LDLRAD3: variants seen among roughly 807,000 people sequenced by gnomAD.
LDLRAD3 encodes low density lipoprotein receptor class A domain containing 3.
A neutral mutation model predicts 29.4 loss-of-function variants in LDLRAD3; 20 were observed. The ratio of observed to expected loss-of-function variants is 0.68; its 90% CI spans 0.48 to 0.99. The LOEUF (loss-of-function observed/expected upper bound fraction) is 0.99. Ranked by LOEUF, LDLRAD3 falls within the 50% of genes least tolerant of loss-of-function variation. LDLRAD3 has a pLI of 0.00. For missense variants in LDLRAD3, 420 were observed against 454.3 expected (o/e 0.92, Z 0.69); for synonymous variants, 157 against 192.7 (o/e 0.81, Z 1.53).
chr11:36,069,459 C>G (rs142702462), intron 2 of LDLRAD3, among the ~76,000 whole-genome samples: 239 of 152,332 alleles, frequency 1.6e-3, no homozygotes, highest in African/African-American at 5.6e-3. Flanking sequence ...TTTTAGCTAG[C>G]AATGGCCACA....
At chr11:36,076,213 T>TCC (rs1852996740) in intron 2 of LDLRAD3, among the ~76,000 whole-genome samples, 2 of 126,952 alleles carry the variant, frequency 1.6e-5, no homozygotes, top group African/African-American at 6.2e-5. Flanking sequence ...TTTGTCTGTC[T>TCC]GTCCATCCGT....
chr11:36,086,000 C>A (rs1229474917), intron 3 of LDLRAD3, among the ~76,000 whole-genome samples: 3 of 152,154 alleles, frequency 2.0e-5, no homozygotes, highest in African/African-American at 7.2e-5. Flanking sequence ...AGCTCACTTA[C>A]TCTTTCATCT....
At chr11:36,014,045 T>C (rs1851990011) in intron 1 of LDLRAD3, among the ~76,000 whole-genome samples, 1 of 152,228 alleles carries the variant, frequency 6.6e-6, no homozygotes, top group African/African-American at 2.4e-5. Flanking sequence ...GGTTTTTGGT[T>C]GTGTGTCCTG....
At chr11:36,097,613 T>C (rs11033422) in intron 3 of LDLRAD3, among the ~76,000 whole-genome samples, 46,359 of 151,602 alleles carry the variant, frequency 0.31, 7,643 homozygotes, top group East Asian at 0.43. Context: ...GAAGGGTGAG[T>C]AGGGGGAAGG....
chr11:36,109,143 A>T (rs1853572470), intron 4 of LDLRAD3, among the ~76,000 whole-genome samples: 1 of 152,342 alleles, frequency 6.6e-6, no homozygotes, highest in Admixed American at 6.5e-5. Flanking sequence ...AGAGGAACGC[A>T]GAAGCCCCAA....
intron 4 of LDLRAD3, among the ~76,000 whole-genome samples, chr11:36,160,319 C>T (rs72935569): frequency 0.15 from 23,379 of 152,052 alleles, 2,117 homozygotes; most frequent in East Asian, 0.29. Flanking sequence ...GGGAAAATCA[C>T]GCTCACAGAA....
At chr11:36,036,277 G>C in intron 2 of LDLRAD3, 28 bp downstream of exon 2, 1 of 1,613,486 alleles carries the variant, frequency 6.2e-7, no homozygotes, top group Non-Finnish European at 8.5e-7. Flanking sequence ...TTGCTGGGGT[G>C]GGGTGGCAGC....
chr11:35,965,063 A>G (rs770029730), intron 1 of LDLRAD3, among the ~76,000 whole-genome samples: 11 of 152,152 alleles, frequency 7.2e-5, no homozygotes, highest in African/African-American at 2.4e-4. Flanking sequence ...ACTGATTAGT[A>G]TAATAAACAC....
chr11:36,039,392 A>G (rs1852352317), intron 2 of LDLRAD3, among the ~76,000 whole-genome samples: 1 of 152,146 alleles, frequency 6.6e-6, no homozygotes, highest in African/African-American at 2.4e-5. Context: ...TGGGAAACTT[A>G]CCAGAATGTT....
chr11:36,148,748 A>G (rs1264297024), intron 4 of LDLRAD3, among the ~76,000 whole-genome samples: 1 of 152,180 alleles, frequency 6.6e-6, no homozygotes, highest in Non-Finnish European at 1.5e-5. Context: ...CCCAAGCTAT[A>G]TCTTCAAAGG....
intron 4 of LDLRAD3, among the ~76,000 whole-genome samples, chr11:36,208,460 G>A (rs1210224433): frequency 6.6e-6 from 1 of 152,174 alleles, no homozygotes; most frequent in Non-Finnish European, 1.5e-5. Context: ...GTCCCCAGGT[G>A]GCCGAAGGGC....
intron 4 of LDLRAD3, among the ~76,000 whole-genome samples, chr11:36,116,596 A>G (rs975810742): frequency 1.3e-5 from 2 of 152,182 alleles, no homozygotes; most frequent in Admixed American, 6.5e-5. Context: ...TCCTTGGACA[A>G]GAGAGACTCC....
chr11:36,068,690 G>C (rs79086250), intron 2 of LDLRAD3, among the ~76,000 whole-genome samples: 3,674 of 152,186 alleles, frequency 0.024, 122 homozygotes, highest in East Asian at 0.14. Context: ...CTAATTTTTT[G>C]TATTTTTAGT....
intron 2 of LDLRAD3, among the ~76,000 whole-genome samples, chr11:36,046,012 G>A (rs1852445320): frequency 1.3e-5 from 2 of 151,676 alleles, no homozygotes; most frequent in Non-Finnish European, 2.9e-5. Context: ...CCCTCCCTGT[G>A]TCTATGCATA....
At chr11:35,987,506 C>T (rs894965165) in intron 1 of LDLRAD3, among the ~76,000 whole-genome samples, 4 of 152,134 alleles carry the variant, frequency 2.6e-5, no homozygotes, top group East Asian at 1.9e-4. Context: ...TGAGAACATA[C>T]GGTATTTGGT....
chr11:36,222,898 G>A (rs1855449087), intron 4 of LDLRAD3, among the ~76,000 whole-genome samples: 1 of 152,168 alleles, frequency 6.6e-6, no homozygotes, highest in African/African-American at 2.4e-5. Context: ...GTAGTGACCA[G>A]ATTGCCTGGA....
intron 1 of LDLRAD3, among the ~76,000 whole-genome samples, chr11:36,025,972 G>A (rs921474668): frequency 1.3e-5 from 2 of 150,514 alleles, no homozygotes; most frequent in Non-Finnish European, 3.0e-5. Context: ...TAGAGACGGG[G>A]TTTCACCATG....
intron 1 of LDLRAD3, among the ~76,000 whole-genome samples, chr11:36,025,050 A>G (rs1012993191): frequency 6.6e-6 from 1 of 152,196 alleles, no homozygotes; most frequent in Admixed American, 6.5e-5. Flanking sequence ...GCTGCCTTTC[A>G]GAATATGAAA....
chr11:36,161,023 G>A (rs538623410), intron 4 of LDLRAD3, among the ~76,000 whole-genome samples: 5 of 152,172 alleles, frequency 3.3e-5, no homozygotes, highest in Non-Finnish European at 7.3e-5. Flanking sequence ...TTGAACGCCT[G>A]ACCTCAGGTG....
Sources: gnomAD v4.1 joint callset for allele counts (sites outside exome capture counted in the v4.1 genomes callset) on GRCh38, gnomAD v4.1.1 for gene constraint, MANE v1.5 for transcripts, NCBI Gene and HGNC (gene_info 2026-07-23, HGNC 2026-07-21) for gene names.